CNTNAP2: variants seen among roughly 807,000 people sequenced by gnomAD.
CNTNAP2 encodes contactin associated protein 2.
A neutral mutation model predicts 155.2 loss-of-function variants in CNTNAP2; 98 were observed. The observed-to-expected ratio is 0.63, with a 90% CI of 0.54 to 0.75. The LOEUF (loss-of-function observed/expected upper bound fraction) is 0.75. Among genes scored for constraint, CNTNAP2 ranks in the 30% least tolerant of loss-of-function variants. The probability of loss-of-function intolerance (pLI) is 0.00; values close to 1 mark genes in which losing one functional copy is unlikely to be tolerated. For synonymous variants in CNTNAP2, 651 were observed against 631.2 expected (o/e 1.03, Z -0.47); for missense variants, 1,727 against 1,688.1 (o/e 1.02, Z -0.40).
intron 15 of CNTNAP2, among the ~76,000 whole-genome samples, chr7:148,029,663 A>G (rs1802436834): frequency 1.3e-5 from 2 of 152,180 alleles, no homozygotes; most frequent in African/African-American, 4.8e-5. Context: ...TTTTAATTAC[A>G]ATTTTAAACC....
intron 14 of CNTNAP2, among the ~76,000 whole-genome samples, chr7:147,965,520 A>G (rs888925211): frequency 4.0e-5 from 6 of 151,028 alleles, no homozygotes; most frequent in African/African-American, 7.3e-5. Flanking sequence ...TCCACCGATG[A>G]TCTCCATATT....
chr7:148,205,165 A>G (rs1394240877), intron 18 of CNTNAP2, among the ~76,000 whole-genome samples: 2 of 152,234 alleles, frequency 1.3e-5, no homozygotes, highest in African/African-American at 2.4e-5. Flanking sequence ...AGAATTCTAC[A>G]TGGCTCAGGC....
intron 10 of CNTNAP2, among the ~76,000 whole-genome samples, chr7:147,454,488 G>A (rs1193124158): frequency 2.0e-5 from 3 of 151,726 alleles, no homozygotes; most frequent in Admixed American, 6.6e-5. Flanking sequence ...TTTTATATTT[G>A]ACCAAAATCA....
At chr7:147,041,445 G>A (rs1799258300) in intron 3 of CNTNAP2, among the ~76,000 whole-genome samples, 1 of 152,000 alleles carries the variant, frequency 6.6e-6, no homozygotes, top group South Asian at 2.1e-4. Flanking sequence ...CTGGACTCTG[G>A]GTCTTATACC....
At chr7:146,939,064 ATATT>A (rs570411742) in intron 3 of CNTNAP2, among the ~76,000 whole-genome samples, 14 of 152,116 alleles carry the variant, frequency 9.2e-5, no homozygotes, top group Non-Finnish European at 2.1e-4. Context: ...AGGAGGAAAA[ATATT>A]TATCACTGCC....
At chr7:147,877,173 C>A (rs1039315975) in intron 13 of CNTNAP2, among the ~76,000 whole-genome samples, 2 of 152,040 alleles carry the variant, frequency 1.3e-5, no homozygotes, top group African/African-American at 4.8e-5. Context: ...ATGGAGTGAA[C>A]CTGTTTGATT....
chr7:146,494,860 G>C (rs1797191090), intron 1 of CNTNAP2, among the ~76,000 whole-genome samples: 1 of 152,170 alleles, frequency 6.6e-6, no homozygotes, highest in Non-Finnish European at 1.5e-5. Context: ...CGATGAGCTA[G>C]CTTATGAAGG....
At chr7:146,198,383 C>T (rs975734743) in intron 1 of CNTNAP2, among the ~76,000 whole-genome samples, 8 of 152,100 alleles carry the variant, frequency 5.3e-5, no homozygotes. Flanking sequence ...ACGATTAACT[C>T]AAAAGTGAAT....
intron 8 of CNTNAP2, among the ~76,000 whole-genome samples, chr7:147,275,046 GT>G (rs1453092554): frequency 6.6e-6 from 1 of 152,002 alleles, no homozygotes; most frequent in Non-Finnish European, 1.5e-5. Context: ...ATACCATGCT[GT>G]TTTGGTTATT....
intron 8 of CNTNAP2, among the ~76,000 whole-genome samples, chr7:147,260,713 G>T (rs375582859): frequency 6.6e-6 from 1 of 152,134 alleles, no homozygotes; most frequent in African/African-American, 2.4e-5. Flanking sequence ...AAGCAGGTGC[G>T]TATGCCTTGA....
At chr7:147,361,136 A>C (rs57617408) in intron 9 of CNTNAP2, among the ~76,000 whole-genome samples, 23,513 of 152,204 alleles carry the variant, frequency 0.15, 2,080 homozygotes, top group East Asian at 0.35. Flanking sequence ...TTAACTAAAT[A>C]ATCTGGAAGT....
At chr7:146,378,844 A>G (rs959487485) in intron 1 of CNTNAP2, among the ~76,000 whole-genome samples, 1 of 152,214 alleles carries the variant, frequency 6.6e-6, no homozygotes, top group African/African-American at 2.4e-5. Context: ...CTACTTATAC[A>G]TTTGCTGAAG....
chr7:147,928,843 G>A lies in CNTNAP2; in HGVS notation c.2255+25122G>A, dbSNP rs969911303. ...CGGTGGCTCACGCCTGTAATCCCAGGACTTTGAGAGGCTGAAGGGGGCAGA... is the reference window on the plus strand; with the variant it reads ...CGGTGGCTCACGCCTGTAATCCCAGAACTTTGAGAGGCTGAAGGGGGCAGA... On this transcript the variant is annotated intron_variant, in intron 14 of 23. Transcript: ENST00000361727. Among the ~76,000 whole-genome samples the A allele has an allele frequency of 2.0e-5, 3 of 151,868 alleles. No individual in the cohort carries two copies. The East Asian group carries it at 5.8e-4, about 30-fold the overall frequency.
chr7:146,787,460 G>A (rs1802594169), intron 2 of CNTNAP2, among the ~76,000 whole-genome samples: 1 of 152,092 alleles, frequency 6.6e-6, no homozygotes, highest in Non-Finnish European at 1.5e-5. Flanking sequence ...AGACCTTTGC[G>A]GTGTTACAGC....
chr7:146,994,653 A>G lies in CNTNAP2; in HGVS notation c.403-49254A>G, dbSNP rs192121366. 2.5e-3 allele frequency among the ~76,000 whole-genome samples: 383 copies of G among 152,236 alleles called. 4 individuals carry two copies. Among genetic ancestry groups the G allele is most frequent in the Non-Finnish European group, 4.3e-3 (293 of 67,970 alleles). The stretch of plus-strand genomic sequence containing the variant: ...TCCCAAGAATGTAACTAGTGATTGT[A>G]GGATCATTTCAAATACTCAATTGTA... On this transcript the variant is annotated intron_variant, in intron 3 of 23. Coordinates refer to ENST00000361727, the MANE Select transcript of CNTNAP2 (RefSeq NM_014141.6).
chr7:147,518,903 C>A (rs941321799), intron 11 of CNTNAP2, among the ~76,000 whole-genome samples: 4 of 151,402 alleles, frequency 2.6e-5, no homozygotes, highest in African/African-American at 7.3e-5. Flanking sequence ...TGGTGGCGGG[C>A]GCCTGTAGTT....
At chr7:147,933,036 T>C (rs1800533523) in intron 14 of CNTNAP2, among the ~76,000 whole-genome samples, 1 of 145,604 alleles carries the variant, frequency 6.9e-6, no homozygotes, top group Admixed American at 7.0e-5. Context: ...TTAGGGTGGC[T>C]ATTGGTTTTT....
intron 15 of CNTNAP2, among the ~76,000 whole-genome samples, chr7:148,004,524 G>A (rs1200185749): frequency 6.6e-6 from 1 of 152,112 alleles, no homozygotes; most frequent in Admixed American, 6.5e-5. Flanking sequence ...AATATGAGAA[G>A]CTTTGTTCAT....
chr7:147,324,792 T>A (rs939612872), intron 9 of CNTNAP2, among the ~76,000 whole-genome samples: 1 of 152,152 alleles, frequency 6.6e-6, no homozygotes, highest in African/African-American at 2.4e-5. Flanking sequence ...TTTGTTTTTG[T>A]TTTTGTTTTA....
Sources: gnomAD v4.1 joint callset for allele counts (sites outside exome capture counted in the v4.1 genomes callset) on GRCh38, gnomAD v4.1.1 for gene constraint, MANE v1.5 for transcripts, NCBI Gene and HGNC (gene_info 2026-07-23, HGNC 2026-07-21) for gene names.